The following TENM3 variants were observed in gnomAD, a reference collection of about 807,000 sequenced individuals.
The protein encoded by TENM3 is teneurin-3.
Under a neutral mutation model 255.1 loss-of-function variants are expected in TENM3, and 63 were observed. The ratio of observed to expected loss-of-function variants is 0.25; its 90% confidence interval spans 0.20 to 0.30. The LOEUF (loss-of-function observed/expected upper bound fraction) is 0.30. TENM3 is among the 10% of genes least tolerant of loss of function. TENM3 has a pLI of 1.00. For missense variants in TENM3, 2,929 were observed against 3,461.1 expected (o/e 0.85, Z 3.86); for synonymous variants, 1,306 against 1,322.3 (o/e 0.99, Z 0.27).
intron 1 of TENM3, among the ~76,000 whole-genome samples, chr4:182,163,273 C>G (rs1751480726): frequency 6.6e-6 from 1 of 152,092 alleles, no homozygotes; most frequent in African/African-American, 2.4e-5. Context: ...TCTAGATTGC[C>G]CCTGGAGAGT....
chr4:181,803,936 C>G, the TENM3 span, among the ~76,000 whole-genome samples: 1 of 9,780 alleles, frequency 1.0e-4, no homozygotes, highest in Non-Finnish European at 2.7e-4. Flanking sequence ...CTTATTATCT[C>G]AACAAAAAAA....
At chr4:182,063,529 T>C in the TENM3 span, among the ~76,000 whole-genome samples, 1 of 152,160 alleles carries the variant, frequency 6.6e-6, no homozygotes, top group Non-Finnish European at 1.5e-5. Flanking sequence ...ATTCAAGTGC[T>C]CCCAAAACAT....
At chr4:182,065,330 C>T in the TENM3 span, among the ~76,000 whole-genome samples, 5 of 152,066 alleles carry the variant, frequency 3.3e-5, no homozygotes, top group Non-Finnish European at 5.9e-5. Context: ...CCACCAAGCC[C>T]GGCAAAACCG....
At chr4:181,872,121 A>G in the TENM3 span, among the ~76,000 whole-genome samples, 1 of 151,962 alleles carries the variant, frequency 6.6e-6, no homozygotes, top group African/African-American at 2.4e-5. Context: ...GTTTTCTTAA[A>G]TAATTTGTGT....
chr4:182,727,042 A>G (rs770384219), intron 13 of TENM3, among the ~76,000 whole-genome samples: 4 of 152,220 alleles, frequency 2.6e-5, no homozygotes, highest in Non-Finnish European at 5.9e-5. Context: ...CCCAGACTTG[A>G]TACTTAAGTT....
chr4:182,192,954 T>A (rs1753612393), intron 1 of TENM3, among the ~76,000 whole-genome samples: 1 of 152,226 alleles, frequency 6.6e-6, no homozygotes, highest in South Asian at 2.1e-4. Context: ...TGAAATCTTG[T>A]TCTGTGTAGG....
chr4:182,061,903 G>A, the TENM3 span, among the ~76,000 whole-genome samples: 2 of 152,258 alleles, frequency 1.3e-5, no homozygotes, highest in East Asian at 3.9e-4. Flanking sequence ...ACTGCAGTGA[G>A]CCATCATTGC....
chr4:182,438,451 T>C (rs1244056502), intron 3 of TENM3, among the ~76,000 whole-genome samples: 1 of 152,232 alleles, frequency 6.6e-6, no homozygotes, highest in Non-Finnish European at 1.5e-5. Context: ...GAGTAAGCTT[T>C]TTTATGGCAT....
the TENM3 span, among the ~76,000 whole-genome samples, chr4:181,922,602 G>T: frequency 6.6e-6 from 1 of 152,084 alleles, no homozygotes; most frequent in African/African-American, 2.4e-5. Flanking sequence ...ATTTTTTATT[G>T]TATCTGTTTG....
chr4:182,070,388 G>A, the TENM3 span, among the ~76,000 whole-genome samples: 2 of 152,234 alleles, frequency 1.3e-5, no homozygotes, highest in Non-Finnish European at 2.9e-5. Context: ...GGAGGCCAAG[G>A]TGGGTGGATC....
chr4:182,762,999 C>CTG (rs1561215956), intron 22 of TENM3, among the ~76,000 whole-genome samples: 1 of 151,982 alleles, frequency 6.6e-6, no homozygotes, highest in Non-Finnish European at 1.5e-5. Context: ...AAGAGAGACC[C>CTG]CCCACAACTT....
At chr4:181,676,915 A>G in the TENM3 span, among the ~76,000 whole-genome samples, 6 of 151,200 alleles carry the variant, frequency 4.0e-5, no homozygotes, top group African/African-American at 1.5e-4. Flanking sequence ...GACCCACCTT[A>G]TTAACCATTT....
Position 182,793,979 on chromosome 4 carries a change from A to C in TENM3, c.7213+94A>C. On this transcript the variant is annotated intron_variant, in intron 26 of 27. Transcript: ENST00000511685. The surrounding 1 kb of genome is among the most constrained non-coding windows in gnomAD (Gnocchi z 5.7). ...GAAATGCTTTTTTAAAAAACTTTAT[A>C]CTTTACTCAGGCAAAGGCAAATGGC... 7 of 1,199,662 alleles carry C rather than the reference A, an allele frequency of 5.8e-6. No homozygotes were observed. 74.3% of individuals were successfully genotyped at this position (1,199,662 alleles called of 1,614,324 possible).
chr4:181,577,320 C>A, the TENM3 span, among the ~76,000 whole-genome samples: 1 of 150,086 alleles, frequency 6.7e-6, no homozygotes, highest in Non-Finnish European at 1.5e-5. Flanking sequence ...GGATTACAGG[C>A]GTGAGCCACC....
chr4:181,867,114 G>T, the TENM3 span, among the ~76,000 whole-genome samples: 1 of 152,066 alleles, frequency 6.6e-6, no homozygotes, highest in Non-Finnish European at 1.5e-5. Context: ...AATTCCATGA[G>T]GCCTGGACTC....
chr4:181,465,280 GA>G, the TENM3 span, among the ~76,000 whole-genome samples: 2,999 of 142,728 alleles, frequency 0.021, 80 homozygotes, highest in African/African-American at 0.066. Context: ...AAAGACAACT[GA>G]AAAAAAAAAA....
chr4:181,807,467 C>A, the TENM3 span, among the ~76,000 whole-genome samples: 1 of 152,190 alleles, frequency 6.6e-6, no homozygotes, highest in East Asian at 1.9e-4. Context: ...GATTCTCCTG[C>A]CTCAGCCTCC....
At chr4:182,345,599 T>C (rs893657487) in intron 2 of TENM3, among the ~76,000 whole-genome samples, 11 of 152,140 alleles carry the variant, frequency 7.2e-5, no homozygotes, top group African/African-American at 2.7e-4. Context: ...AGACAAGAAA[T>C]AGAAAAGCTT....
At chr4:181,612,492 G>A in the TENM3 span, among the ~76,000 whole-genome samples, 1 of 30,110 alleles carries the variant, frequency 3.3e-5, no homozygotes, top group East Asian at 6.7e-4. Context: ...TGGTTAAGAT[G>A]TGTGTGTGTG....
Sources: allele counts gnomAD v4.1 joint callset (sites outside exome capture counted in the v4.1 genomes callset), GRCh38; gene constraint gnomAD v4.1.1; non-coding constraint Gnocchi (gnomAD v3.1); transcripts MANE v1.5; gene names NCBI Gene and HGNC (gene_info 2026-07-23, HGNC 2026-07-21).